Variants in SHOC2 observed in about 807,000 individuals in gnomAD.
The protein encoded by SHOC2 is leucine-rich repeat protein SHOC-2.
Under a neutral mutation model 50.2 loss-of-function variants are expected in SHOC2, and 4 were observed. The observed-to-expected ratio is 0.08, with a 90% confidence interval of 0.04 to 0.18. The LOEUF is 0.18. SHOC2 is among the 10% of genes least tolerant of loss of function. The pLI, the probability that SHOC2 is intolerant of heterozygous loss-of-function variation, is 1.00. For missense variants in SHOC2, 388 were observed against 669.6 expected (o/e 0.58, Z 4.64); for synonymous variants, 218 against 244.5 (o/e 0.89, Z 1.01).
intron 1 of SHOC2, among the ~76,000 whole-genome samples, chr10:110,933,911 A>G (rs1197496547): frequency 1.3e-5 from 2 of 152,172 alleles, no homozygotes; most frequent in African/African-American, 4.8e-5. Context: ...TGAGGCTCCC[A>G]AAGATTAAAT....
chr10:110,985,704 T>C lies in SHOC2; in HGVS notation c.780T>C (p.Cys260=). ...ACCTTCCAAAGGAGATTGGAAACTG[T>C]ACACAGATAACCAACCTTGACTTGC... ...LEHLPKEIGN[C]TQITNLDLQH... The change falls in exon 3 of 9, where the codon TGT becomes TGC. Residue 260 remains cysteine, a synonymous_variant. Coordinates refer to ENST00000369452, the MANE Select transcript of SHOC2 (RefSeq NM_007373.4). The C allele has an allele frequency of 1.2e-6, 2 of 1,612,890 alleles. No individual in the cohort carries two copies. The highest frequency in any genetic ancestry group is 1.7e-6 in the Non-Finnish European group (2 of 1,179,358).
At position 111,007,641 on chromosome 10, in the gene SHOC2, C is replaced by T. The variant is rs144379168; in HGVS notation, c.1272C>T (p.Leu424=). Residue 424 remains leucine (L), a synonymous_variant, in exon 6 of 9, where the codon CTC becomes CTT. Coordinates refer to ENST00000369452, the MANE Select transcript of SHOC2 (RefSeq NM_007373.4). ...LTKIPEDVSG[L]VSLEVLILSN... ...AGATCCCTGAGGATGTGTCTGGTCT[C>T]GTTTCTCTTGAGGTTAGTATAAATG... The T allele has an allele frequency of 1.9e-6, 3 of 1,613,388 alleles. No homozygotes were observed. The highest frequency in any genetic ancestry group is 2.7e-5 in the African/African-American group (2 of 74,908).
At chr10:110,970,883 A>G (rs988560714) in intron 2 of SHOC2, among the ~76,000 whole-genome samples, 6 of 151,950 alleles carry the variant, frequency 3.9e-5, no homozygotes, top group African/African-American at 1.4e-4. Context: ...AGAAATGTAT[A>G]CTTAGATTGT....
At chr10:110,924,546 GTATTAT>G (rs1284181736) in intron 1 of SHOC2, among the ~76,000 whole-genome samples, 3 of 152,072 alleles carry the variant, frequency 2.0e-5, no homozygotes, top group African/African-American at 7.2e-5. Flanking sequence ...ATTAAAGCTT[GTATTAT>G]TATTAATAAT....
chr10:110,986,337 G>C (rs1848075205), intron 3 of SHOC2, among the ~76,000 whole-genome samples: 1 of 152,122 alleles, frequency 6.6e-6, no homozygotes, highest in Non-Finnish European at 1.5e-5. Flanking sequence ...ATTTATACCA[G>C]TAAAGTGAAT....
intron 1 of SHOC2, among the ~76,000 whole-genome samples, chr10:110,939,775 T>C (rs1364573294): frequency 6.6e-6 from 1 of 152,206 alleles, no homozygotes; most frequent in East Asian, 1.9e-4. Context: ...ATATTACTAC[T>C]AAGGAATAAT....
chr10:110,952,620 A>G (rs914045625), intron 1 of SHOC2, among the ~76,000 whole-genome samples: 1 of 151,858 alleles, frequency 6.6e-6, no homozygotes, highest in Non-Finnish European at 1.5e-5. Flanking sequence ...ATGGGTATAC[A>G]TGTGCCATCA....
intron 6 of SHOC2, among the ~76,000 whole-genome samples, chr10:111,008,690 T>TA (rs1388235335): frequency 6.6e-6 from 1 of 152,138 alleles, no homozygotes; most frequent in Non-Finnish European, 1.5e-5. Flanking sequence ...CATAAAAACT[T>TA]ACCCAGAACC....
chr10:110,925,942 G>A (rs12244273), intron 1 of SHOC2, among the ~76,000 whole-genome samples: 2,975 of 152,062 alleles, frequency 0.02, 82 homozygotes, highest in African/African-American at 0.068. Flanking sequence ...TAATATTTTA[G>A]CAATTGCCTT....
chr10:111,001,568 T>C (rs1483242768), intron 4 of SHOC2, among the ~76,000 whole-genome samples: 1 of 152,260 alleles, frequency 6.6e-6, no homozygotes, highest in Non-Finnish European at 1.5e-5. Flanking sequence ...CTTATAGTTG[T>C]TCAAGCATGT....
At chr10:110,980,158 CTTTTT>C (rs745350568) in intron 2 of SHOC2, among the ~76,000 whole-genome samples, 1 of 135,950 alleles carries the variant, frequency 7.4e-6, no homozygotes, top group African/African-American at 2.7e-5. Context: ...ATTCCTGTCA[CTTTTT>C]TTTTTTTTTT....
chr10:110,922,959 G>A lies in SHOC2; in HGVS notation c.-235+3302G>A, dbSNP rs368782721. On this transcript the variant is annotated intron_variant, in intron 1 of 8. Coordinates refer to ENST00000369452, the MANE Select transcript of SHOC2 (RefSeq NM_007373.4). ...GAGTACTTCAAATATTAAGTGAGTT[G>A]GTATTTTTGCTTGTTGGTAGACCTG... is the stretch of plus-strand genomic sequence containing the variant. 3.2e-3 allele frequency among the ~76,000 whole-genome samples: 485 copies of A among 152,092 alleles called. 26 individuals are homozygous for A. The South Asian group carries it at 0.093, about 29-fold the overall frequency.
intron 1 of SHOC2, among the ~76,000 whole-genome samples, chr10:110,935,145 C>T (rs550510998): frequency 3.3e-4 from 50 of 152,296 alleles, no homozygotes; most frequent in African/African-American, 9.9e-4. Flanking sequence ...CTAACACTTA[C>T]GTAGTGCTTT....
chr10:110,936,673 C>A, intron 1 of SHOC2: 1 of 876,814 alleles, frequency 1.1e-6, no homozygotes, highest in Non-Finnish European at 1.7e-6. Context: ...TGTCAGTTTT[C>A]TTCTCCATGT....
At chr10:111,007,848 C>G (rs1848498755) in intron 6 of SHOC2, among the ~76,000 whole-genome samples, 195 bp downstream of exon 6, 1 of 152,026 alleles carries the variant, frequency 6.6e-6, no homozygotes, top group African/African-American at 2.4e-5. Context: ...TTTTGAATTT[C>G]TCTTGCCTAC....
intron 2 of SHOC2, among the ~76,000 whole-genome samples, chr10:110,969,015 G>T (rs1847728689): frequency 6.6e-6 from 1 of 152,072 alleles, no homozygotes; most frequent in African/African-American, 2.4e-5. Context: ...TATTCACATG[G>T]GTAAAGATTG....
intron 3 of SHOC2, among the ~76,000 whole-genome samples, chr10:110,990,523 T>G (rs1203122893): frequency 2.4e-5 from 2 of 83,350 alleles, no homozygotes; most frequent in African/African-American, 5.6e-5. Flanking sequence ...ACTAATCTGA[T>G]GGGGACGTGG....
chr10:111,001,515 T>G (rs1219933618), intron 4 of SHOC2, among the ~76,000 whole-genome samples: 1 of 152,206 alleles, frequency 6.6e-6, no homozygotes, highest in African/African-American at 2.4e-5. Flanking sequence ...TACTATTGAC[T>G]TTCTTTTCCC....
chr10:110,924,294 T>G (rs1846713372), intron 1 of SHOC2, among the ~76,000 whole-genome samples: 3 of 152,242 alleles, frequency 2.0e-5, no homozygotes, highest in Admixed American at 6.5e-5. Context: ...TTAAACAATG[T>G]GACACATGCT....
Sources: gnomAD v4.1 joint callset for allele counts (sites outside exome capture counted in the v4.1 genomes callset) on GRCh38, gnomAD v4.1.1 for gene constraint, MANE v1.5 for transcripts, NCBI Gene and HGNC (gene_info 2026-07-23, HGNC 2026-07-21) for gene names.